CENPI: variants seen among roughly 807,000 people sequenced by gnomAD.
CENPI encodes the protein centromere protein I.
Under a neutral mutation model 60.4 loss-of-function variants are expected in CENPI, and 4 were observed. The observed-to-expected ratio is 0.07, with a 90% CI of 0.03 to 0.15. CENPI has a LOEUF of 0.15. Among genes scored for constraint, CENPI ranks in the 10% least tolerant of loss-of-function variants. The pLI, the probability that CENPI is intolerant of heterozygous loss-of-function variation, is 1.00. For missense variants in CENPI, 444 were observed against 534.5 expected (o/e 0.83, Z 1.67); for synonymous variants, 157 against 189.4 (o/e 0.83, Z 1.40).
At chrX:101,166,471 C>G (rs1470562255), downstream of CENPI, among the ~76,000 whole-genome samples, 1 of 112,674 alleles carries the variant, frequency 8.9e-6, no homozygotes, top group African/African-American at 3.2e-5. Context: ...AATTTTTTAA[C>G]TCACTTAAGA....
intron 8 of CENPI, among the ~76,000 whole-genome samples, 192 bp from the exon 9 acceptor site, chrX:101,126,517 T>C (rs941420897): frequency 9.0e-6 from 1 of 111,595 alleles, no homozygotes; most frequent in Admixed American, 9.6e-5. Flanking sequence ...GATCACAGTT[T>C]GGAGAGGGTT....
intron 8 of CENPI, among the ~76,000 whole-genome samples, chrX:101,123,342 C>G (rs2089699434): frequency 1.8e-5 from 2 of 111,617 alleles, no homozygotes; most frequent in African/African-American, 6.5e-5. Context: ...TTTCTGGTAG[C>G]AGACATGAAT....
intron 16 of CENPI, 31 bp downstream of exon 16, chrX:101,140,791 C>A: frequency 1.0e-6 from 1 of 984,926 alleles, no homozygotes; most frequent in Non-Finnish European, 1.4e-6. Flanking sequence ...CCACAAGAGA[C>A]GATCTGTATA....
the CENPI span, among the ~76,000 whole-genome samples, chrX:101,171,316 A>G: frequency 8.9e-6 from 1 of 112,260 alleles, no homozygotes; most frequent in Non-Finnish European, 1.9e-5. Context: ...TTTTTTTAAA[A>G]TGAAAAGACT....
chrX:101,173,958 G>A, the CENPI span, among the ~76,000 whole-genome samples: 1 of 111,763 alleles, frequency 8.9e-6, no homozygotes, highest in Non-Finnish European at 1.9e-5. Context: ...CTTCTCAAAA[G>A]AAGACATGCA....
intron 8 of CENPI, among the ~76,000 whole-genome samples, chrX:101,124,090 AGTGTGTGTGTGTGTGTGT>A (rs397842781): frequency 6.8e-4 from 60 of 88,272 alleles, no homozygotes; most frequent in African/African-American, 1.9e-3. Context: ...TATAGAATCA[AGTGTGTGTGTGTGTGTGT>A]GTGTGTGTGT....
chrX:101,126,003 A>G (rs1041244555), intron 8 of CENPI, among the ~76,000 whole-genome samples: 6 of 108,662 alleles, frequency 5.5e-5, no homozygotes, highest in Non-Finnish European at 1.1e-4. Flanking sequence ...TTGTTTTAAT[A>G]AATTTAATTT....
chrX:101,168,448 C>T (rs1422467222), downstream of CENPI, among the ~76,000 whole-genome samples: 1 of 111,923 alleles, frequency 8.9e-6, no homozygotes, highest in Non-Finnish European at 1.9e-5. Flanking sequence ...TGCCTGTAAT[C>T]CCAGCTACTA....
At position 101,120,437 on chromosome X, in the gene CENPI, C is replaced by CA; in HGVS notation, c.633dup (p.Glu212ArgfsTer13). On this transcript the variant is annotated frameshift_variant, in exon 7 of 22. Coordinates refer to ENST00000682095, the MANE Select transcript of CENPI (RefSeq NM_001386188.2). LOFTEE classifies it high-confidence loss of function. ...TTTGCCATTTGTTATATTTACTTAC[C>CA]AAAAAAGAGAATGGTGAGTATTTTC... is the stretch of plus-strand genomic sequence containing the variant. 1.0e-6 allele frequency: 1 copy of CA among 960,547 alleles called. No individual in the cohort carries two copies. Among genetic ancestry groups the CA allele is most frequent in the Non-Finnish European group, 1.5e-6 (1 of 672,614 alleles). 79.2% of individuals were successfully genotyped at this position (960,547 alleles called of 1,213,427 possible).
chrX:101,106,160 T>C (rs2089481568), intron 4 of CENPI, among the ~76,000 whole-genome samples: 1 of 111,611 alleles, frequency 9.0e-6, no homozygotes, highest in African/African-American at 3.3e-5. Context: ...TTGGTGCACA[T>C]GTAATGTGTT....
downstream of CENPI, among the ~76,000 whole-genome samples, chrX:101,166,884 CA>C (rs2090145820): frequency 8.9e-6 from 1 of 112,167 alleles, no homozygotes; most frequent in Non-Finnish European, 1.9e-5. Flanking sequence ...CTCAGCCTCC[CA>C]AGTAGCTGGG....
At chrX:101,127,764 T>G in intron 11 of CENPI, 99 bp downstream of exon 11, 2 of 655,537 alleles carry the variant, frequency 3.1e-6, no homozygotes, top group Non-Finnish European at 4.6e-6. Context: ...TGAGATAGGG[T>G]CTTACCTGTC....
At chrX:101,136,298 A>G (rs2089847709) in intron 15 of CENPI, among the ~76,000 whole-genome samples, 1 of 111,755 alleles carries the variant, frequency 8.9e-6, no homozygotes, top group Non-Finnish European at 1.9e-5. Flanking sequence ...ATGAAGGTGT[A>G]TGTTTAGGTT....
rs1045924468 is a variant in CENPI, at chrX:101,163,875, A to G, written c.*908A>G. On this transcript the variant is annotated 3_prime_UTR_variant, in exon 22 of 22. Coordinates refer to ENST00000682095, the MANE Select transcript of CENPI (RefSeq NM_001386188.2). ...ATGGTAAAACCCTGTCTCTACTAAAAATACAAAAAATTGGCCGGGCATGCC... is the reference window on the plus strand; with the variant it reads ...ATGGTAAAACCCTGTCTCTACTAAAGATACAAAAAATTGGCCGGGCATGCC... Among the ~76,000 whole-genome samples the G allele has an allele frequency of 9.0e-6, 1 of 111,441 alleles. No homozygotes were observed. Among genetic ancestry groups the G allele is most frequent in the African/African-American group, 3.3e-5 (1 of 30,635 alleles).
At chrX:101,112,721 G>A (rs1220968221) in intron 6 of CENPI, among the ~76,000 whole-genome samples, 2 of 111,260 alleles carry the variant, frequency 1.8e-5, no homozygotes, top group East Asian at 2.8e-4. Flanking sequence ...GTAGAAATGG[G>A]CTGTGAGTTG....
chrX:101,132,043 C>T, intron 13 of CENPI, 147 bp from the exon 14 acceptor site: 1 of 435,633 alleles, frequency 2.3e-6, no homozygotes. Context: ...GGAAGTCTGG[C>T]ACCTAACTTA....
intron 18 of CENPI, among the ~76,000 whole-genome samples, chrX:101,146,891 C>T (rs1213103753): frequency 5.4e-5 from 6 of 110,364 alleles, no homozygotes; most frequent in South Asian, 3.9e-4. Flanking sequence ...CCCGCCACCA[C>T]GCCTGGCTAA....
intron 15 of CENPI, among the ~76,000 whole-genome samples, chrX:101,137,922 A>C (rs2148212766): frequency 3.0e-5 from 1 of 33,446 alleles, no homozygotes; most frequent in African/African-American, 1.1e-4. Flanking sequence ...CAGGATATTT[A>C]TGTAGAAAAG....
intron 20 of CENPI, among the ~76,000 whole-genome samples, 195 bp from the exon 21 acceptor site, chrX:101,161,333 A>G (rs917233398): frequency 8.9e-6 from 1 of 112,228 alleles, no homozygotes; most frequent in African/African-American, 3.2e-5. Context: ...TAATTTTTAA[A>G]ATGTTATTTC....
Sources: gnomAD v4.1 joint callset for allele counts (sites outside exome capture counted in the v4.1 genomes callset) on GRCh38, gnomAD v4.1.1 for gene constraint, MANE v1.5 for transcripts, NCBI Gene and HGNC (gene_info 2026-07-23, HGNC 2026-07-21) for gene names.